MRPL18: variants seen among roughly 807,000 people sequenced by gnomAD.
The protein encoded by MRPL18 is mitochondrial ribosomal protein L18, also known as large ribosomal subunit protein uL18m.
MRPL18 carries 16 observed loss-of-function variants against 20.9 expected under a neutral mutation model. The ratio of observed to expected loss-of-function variants is 0.76; its 90% CI spans 0.52 to 1.16. The LOEUF (loss-of-function observed/expected upper bound fraction) is 1.16. Ranked by LOEUF, MRPL18 falls within the 50% of genes most tolerant of loss-of-function variation. The pLI is 0.00. For synonymous variants in MRPL18, 91 were observed against 87.1 expected (o/e 1.04, Z -0.25); for missense variants, 233 against 230.6 (o/e 1.01, Z -0.07).
chr6:159,791,173 C>T, intron 2 of MRPL18, 47 bp downstream of exon 2: 3 of 1,598,948 alleles, frequency 1.9e-6, no homozygotes, highest in Non-Finnish European at 2.6e-6. Flanking sequence ...ACCCTACAGA[C>T]TATTTTCATT....
At chr6:159,790,414 G>A, upstream of MRPL18, 2 of 748,062 alleles carry the variant, frequency 2.7e-6, no homozygotes, top group Non-Finnish European at 4.4e-6. Context: ...TCGCCTTCTC[G>A]GCCACTCAGT....
chr6:159,791,030 TCAC>T lies in MRPL18; in HGVS notation c.146_148del (p.Thr49del), dbSNP rs1263459488. 2 of 1,614,138 alleles carry T rather than the reference TCAC, an allele frequency of 1.2e-6. No homozygotes were observed. The highest frequency in any genetic ancestry group is 1.7e-6 in the Non-Finnish European group (2 of 1,180,020). ...GAAAATGAAGCTGTCGCCCCAGAATTCACCAACCGGAACCCCCGGAACCTGGAG... is the reference window on the plus strand; with the variant it reads ...GAAAATGAAGCTGTCGCCCCAGAATTCAACCGGAACCCCCGGAACCTGGAG... On this transcript the variant is annotated inframe_deletion, in exon 2 of 4. Coordinates refer to ENST00000367034, the MANE Select transcript of MRPL18 (RefSeq NM_014161.5).
intron 2 of MRPL18, 23 bp downstream of exon 2, chr6:159,791,149 G>T: frequency 1.2e-6 from 2 of 1,613,422 alleles, no homozygotes; most frequent in South Asian, 1.1e-5. Flanking sequence ...GCTTGTGATT[G>T]ACAAGGGCAG....
rs371374052 is a variant in MRPL18 at position 159,796,128 on chromosome 6, CTT to C, written c.240-1139_240-1138del. ...TTGCTTTTCTTTTGACTTCATTTTA[CTT>C]TTTTTTTTTTTTTTTTTTTAACCAT... On this transcript the variant is annotated intron_variant, in intron 2 of 3. Coordinates refer to ENST00000367034, the MANE Select transcript of MRPL18 (RefSeq NM_014161.5). 7.2e-3 allele frequency among the ~76,000 whole-genome samples: 842 copies of C among 116,334 alleles called. 10 individuals carry two copies. The highest frequency in any genetic ancestry group is 0.022 in the African/African-American group (649 of 29,780). The allele number at this position is 116,334 out of a possible 152,430, so 76.3% of individuals were successfully genotyped here. A position where few individuals can be genotyped will look rare whatever the true frequency, so the allele number is the denominator to read the frequency against.
intron 2 of MRPL18, among the ~76,000 whole-genome samples, chr6:159,796,580 G>C (rs1781033831): frequency 6.6e-6 from 1 of 151,760 alleles, no homozygotes; most frequent in Admixed American, 6.6e-5. Context: ...TTGAGGCCAG[G>C]AGTTTGACAC....
intron 2 of MRPL18, among the ~76,000 whole-genome samples, chr6:159,794,048 T>C (rs1323291699): frequency 6.6e-6 from 1 of 152,260 alleles, no homozygotes; most frequent in African/African-American, 2.4e-5. Context: ...TGGGTGTGTT[T>C]TCTTTAACTT....
upstream of MRPL18, chr6:159,790,330 A>C: frequency 1.7e-6 from 1 of 599,804 alleles, no homozygotes; most frequent in Non-Finnish European, 3.0e-6. Context: ...GGGCGTAGCT[A>C]CGAGGTGGTT....
chr6:159,790,094 G>A (rs546670642), upstream of MRPL18: 19 of 186,140 alleles, frequency 1.0e-4, no homozygotes, highest in Admixed American at 7.6e-4. Flanking sequence ...GGTGGGACGG[G>A]GCAGTTTTTC....
At chr6:159,792,570 C>G (rs754874888) in intron 2 of MRPL18, among the ~76,000 whole-genome samples, 1 of 152,156 alleles carries the variant, frequency 6.6e-6, no homozygotes, top group Non-Finnish European at 1.5e-5. Context: ...AGGGAGTAGG[C>G]AGTTCACTTT....
intron 2 of MRPL18, among the ~76,000 whole-genome samples, chr6:159,796,586 G>A (rs1246175026): frequency 6.6e-6 from 1 of 151,670 alleles, no homozygotes; most frequent in Non-Finnish European, 1.5e-5. Context: ...CCAGGAGTTT[G>A]ACACCAGCCT....
intron 3 of MRPL18, among the ~76,000 whole-genome samples, chr6:159,797,728 G>A (rs955265553): frequency 6.6e-6 from 1 of 152,176 alleles, no homozygotes; most frequent in Admixed American, 6.5e-5. Context: ...ATAAACTGAG[G>A]CTTACTTGCC....
chr6:159,794,267 A>G (rs747375234), intron 2 of MRPL18, among the ~76,000 whole-genome samples: 5 of 152,160 alleles, frequency 3.3e-5, no homozygotes, highest in Admixed American at 6.5e-5. Flanking sequence ...CATCTTGGAG[A>G]TTCTTCATGG....
intron 2 of MRPL18, 62 bp downstream of exon 2, chr6:159,791,188 C>T: frequency 6.4e-7 from 1 of 1,569,678 alleles, no homozygotes; most frequent in Non-Finnish European, 8.7e-7. Context: ...TTCATTCATT[C>T]AACTCCAGGC....
At chr6:159,796,070 T>TC (rs1291669687) in intron 2 of MRPL18, among the ~76,000 whole-genome samples, 2 of 151,842 alleles carry the variant, frequency 1.3e-5, no homozygotes, top group Non-Finnish European at 2.9e-5. Context: ...CAAGCTTGAG[T>TC]CACATGCCCA....
chr6:159,796,856 T>A (rs11754926), intron 2 of MRPL18, among the ~76,000 whole-genome samples: 71,787 of 151,968 alleles, frequency 0.47, 17,989 homozygotes, highest in Non-Finnish European at 0.55. Flanking sequence ...TATAAAAAAA[T>A]TTCTCATGTT....
At position 159,790,645 on chromosome 6, in the gene MRPL18, T is replaced by C; in HGVS notation, c.52+6T>C. ...CTCGGTTTGCAGGAACCCTGGTAAT[T>C]AGTCTTGCCCCCCTTCTCCCAGCTC... On this transcript the variant is annotated splice_donor_region_variant and intron_variant, in intron 1 of 3. Transcript: ENST00000367034. 1.2e-6 allele frequency: 2 copies of C among 1,614,088 alleles called. No individual in the cohort carries two copies. The highest frequency in any genetic ancestry group is 1.3e-5 in the African/African-American group (1 of 75,026).
In MRPL18 at chr6:159,792,227, T is replaced by A. The variant is rs1313498337; in HGVS notation, c.239+1101T>A. Among the ~76,000 whole-genome samples, 4 of 152,202 alleles carry A rather than the reference T, an allele frequency of 2.6e-5. No individual in the cohort carries two copies. In the South Asian group the frequency reaches 8.3e-4, roughly 31 times the overall value. On this transcript the variant is annotated intron_variant, in intron 2 of 3. Transcript: ENST00000367034. Reference sequence around the variant, plus strand: ...CCAGGACGCTAGGTTATTACCACTATACTACAGCATGTAAGTGTTTATCAG... The same window carrying A: ...CCAGGACGCTAGGTTATTACCACTAAACTACAGCATGTAAGTGTTTATCAG...
intron 2 of MRPL18, among the ~76,000 whole-genome samples, chr6:159,796,411 C>T (rs1781030359): frequency 6.7e-6 from 1 of 150,124 alleles, no homozygotes; most frequent in African/African-American, 2.5e-5. Context: ...TCCCAGGAGG[C>T]AGAGGCTGCT....
At chr6:159,796,210 G>T (rs984733096) in intron 2 of MRPL18, among the ~76,000 whole-genome samples, 2 of 150,266 alleles carry the variant, frequency 1.3e-5, no homozygotes, top group Non-Finnish European at 2.9e-5. Context: ...GCTGGGCATG[G>T]TGGCTCAGCC....
Sources: allele counts gnomAD v4.1 joint callset (sites outside exome capture counted in the v4.1 genomes callset), GRCh38; gene constraint gnomAD v4.1.1; transcripts MANE v1.5; gene names NCBI Gene and HGNC (gene_info 2026-07-23, HGNC 2026-07-21).